Variants in CDH18 observed in about 807,000 individuals in gnomAD.
CDH18 encodes the protein cadherin 18.
A neutral mutation model predicts 67.9 loss-of-function variants in CDH18; 31 were observed. That is an observed-to-expected ratio of 0.46 (90% CI 0.34 to 0.62). The LOEUF (loss-of-function observed/expected upper bound fraction) is 0.62, where lower values mean the gene tolerates loss of function less well. CDH18 is among the 20% of genes least tolerant of loss of function. The pLI is 0.01. For synonymous variants in CDH18, 362 were observed against 347.2 expected, an observed-to-expected ratio of 1.04 and a Z score of -0.48; for missense variants, 890 against 975.5, an observed-to-expected ratio of 0.91 and a Z score of 1.17.
intron 1 of CDH18, among the ~76,000 whole-genome samples, chr5:20,409,410 T>G (rs1746576594): frequency 6.6e-6 from 1 of 151,864 alleles, no homozygotes; most frequent in African/African-American, 2.4e-5. Context: ...AATATACATT[T>G]GAACAACCAG....
intron 2 of CDH18, among the ~76,000 whole-genome samples, chr5:20,000,667 G>T (rs1190772199): frequency 6.6e-6 from 1 of 152,102 alleles, no homozygotes; most frequent in African/African-American, 2.4e-5. Flanking sequence ...AGCCACAGAT[G>T]ATTATGTTGA....
At chr5:20,533,207 A>G (rs151042352) in intron 1 of CDH18, among the ~76,000 whole-genome samples, 121 of 152,210 alleles carry the variant, frequency 7.9e-4, no homozygotes, top group African/African-American at 2.8e-3. Context: ...CTAAAAGCCA[A>G]GAGGCACAGA....
At chr5:20,459,795 G>A (rs1346679625) in intron 1 of CDH18, among the ~76,000 whole-genome samples, 3 of 152,162 alleles carry the variant, frequency 2.0e-5, no homozygotes, top group Non-Finnish European at 2.9e-5. Context: ...AGGTAGGAGA[G>A]TTAATTACCT....
chr5:20,389,240 A>G (rs1355384309), intron 1 of CDH18, among the ~76,000 whole-genome samples: 1 of 152,102 alleles, frequency 6.6e-6, no homozygotes, highest in African/African-American at 2.4e-5. Flanking sequence ...GTGCTCCTCT[A>G]TTGGGTGCAT....
intron 1 of CDH18, among the ~76,000 whole-genome samples, chr5:20,318,412 C>T (rs1448099202): frequency 1.3e-5 from 2 of 152,028 alleles, no homozygotes; most frequent in African/African-American, 4.8e-5. Flanking sequence ...TCTGTGTCCC[C>T]AACAAAATCT....
At chr5:20,437,425 A>G (rs1749253357) in intron 1 of CDH18, among the ~76,000 whole-genome samples, 1 of 151,412 alleles carries the variant, frequency 6.6e-6, no homozygotes, top group African/African-American at 2.4e-5. Context: ...TAAGAGAGAA[A>G]GTTACTAGAT....
chr5:20,370,499 T>A (rs1742890662), intron 1 of CDH18, among the ~76,000 whole-genome samples: 1 of 152,168 alleles, frequency 6.6e-6, no homozygotes, highest in African/African-American at 2.4e-5. Context: ...ATAGCCTTAC[T>A]CCTAGATGTG....
chr5:20,008,449 T>A lies in CDH18; in HGVS notation c.-517-16435A>T, dbSNP rs571675446. On this transcript the variant is annotated intron_variant, in intron 2 of 14. Coordinates refer to the CDH18 transcript ENST00000507958. ...AAATTATGAGAGCTGGTCTTTAATA[T>A]CTCATCACAAACAGAGCATGTTATG... is the stretch of plus-strand genomic sequence containing the variant. Among the ~76,000 whole-genome samples, 9 of 152,260 alleles carry A rather than the reference T, an allele frequency of 5.9e-5. No homozygotes were observed. In the South Asian group the frequency reaches 1.9e-3, roughly 32 times the overall value.
intron 3 of CDH18, among the ~76,000 whole-genome samples, chr5:19,817,308 C>T (rs562004136): frequency 8.6e-5 from 13 of 151,870 alleles, no homozygotes; most frequent in Non-Finnish European, 1.2e-4. Context: ...GGAGGAGGCT[C>T]TAGTGATAGC....
intron 3 of CDH18, among the ~76,000 whole-genome samples, chr5:19,813,012 C>A (rs1208330204): frequency 6.6e-6 from 1 of 151,990 alleles, no homozygotes; most frequent in Non-Finnish European, 1.5e-5. Context: ...AAGCTGGAAA[C>A]CATCATTCTC....
At chr5:19,896,981 T>G (rs1182817407) in intron 2 of CDH18, among the ~76,000 whole-genome samples, 1 of 152,154 alleles carries the variant, frequency 6.6e-6, no homozygotes, top group Non-Finnish European at 1.5e-5. Flanking sequence ...GTTTCATTGT[T>G]AGAAAGAAAC....
chr5:20,247,277 T>A (rs1042144941), intron 2 of CDH18, among the ~76,000 whole-genome samples: 6 of 152,164 alleles, frequency 3.9e-5, no homozygotes, highest in Non-Finnish European at 8.8e-5. Context: ...CTTAGTTCAA[T>A]ATAATTAGTA....
chr5:19,661,275 T>G (rs1757132738), intron 5 of CDH18, among the ~76,000 whole-genome samples: 1 of 151,250 alleles, frequency 6.6e-6, no homozygotes, highest in African/African-American at 2.4e-5. Context: ...AAGACTGGAG[T>G]TTTTGGACAA....
intron 1 of CDH18, among the ~76,000 whole-genome samples, chr5:20,353,158 T>A (rs1429124940): frequency 1.3e-5 from 2 of 152,220 alleles, no homozygotes; most frequent in Non-Finnish European, 2.9e-5. Flanking sequence ...GTCCTTCATA[T>A]GTGAGTTACT....
At chr5:19,752,798 C>T (rs1334947622) in intron 3 of CDH18, among the ~76,000 whole-genome samples, 1 of 152,178 alleles carries the variant, frequency 6.6e-6, no homozygotes, top group Non-Finnish European at 1.5e-5. Flanking sequence ...GCCACCTCCA[C>T]CAGAACAGGT....
intron 2 of CDH18, among the ~76,000 whole-genome samples, chr5:19,947,568 C>T (rs1468845241): frequency 7.7e-6 from 1 of 129,368 alleles, no homozygotes; most frequent in Non-Finnish European, 1.6e-5. Context: ...TGGTGAAACT[C>T]CATCTCTACT....
intron 8 of CDH18, among the ~76,000 whole-genome samples, chr5:19,566,105 A>C (rs1418429244): frequency 6.6e-6 from 1 of 152,216 alleles, no homozygotes; most frequent in Non-Finnish European, 1.5e-5. Context: ...ACAAATAGCA[A>C]ACAGACATAT....
chr5:20,364,800 T>C (rs900949865), intron 1 of CDH18, among the ~76,000 whole-genome samples: 2 of 152,178 alleles, frequency 1.3e-5, no homozygotes, highest in Non-Finnish European at 2.9e-5. Flanking sequence ...TATTTACATA[T>C]AATAGTATTA....
intron 1 of CDH18, chr5:20,304,091 T>C (rs1736194061): frequency 6.2e-7 from 1 of 1,610,996 alleles, no homozygotes; most frequent in African/African-American, 1.3e-5. Flanking sequence ...CTCGTCTGCA[T>C]CCTCGCTGGT....
Sources: allele counts gnomAD v4.1 joint callset (sites outside exome capture counted in the v4.1 genomes callset), GRCh38; gene constraint gnomAD v4.1.1; transcripts MANE v1.5; gene names NCBI Gene and HGNC (gene_info 2026-07-23, HGNC 2026-07-21).